Variants in CAMK1D observed in about 807,000 individuals in gnomAD.
CAMK1D encodes the protein calcium/calmodulin dependent protein kinase ID.
Under a neutral mutation model 47.7 loss-of-function variants are expected in CAMK1D, and 9 were observed. That is an observed-to-expected ratio of 0.19 (90% confidence interval 0.11 to 0.33). The LOEUF (loss-of-function observed/expected upper bound fraction) is 0.33, where lower values mean the gene tolerates loss of function less well. CAMK1D is among the 10% of genes least tolerant of loss of function. The pLI, the probability that CAMK1D is intolerant of heterozygous loss-of-function variation, is 1.00. For missense variants in CAMK1D, 291 were observed against 488.7 expected (o/e 0.60, Z 3.81); for synonymous variants, 184 against 184.9 (o/e 0.99, Z 0.04).
chr10:12,616,326 G>T (rs1838814785), intron 2 of CAMK1D, among the ~76,000 whole-genome samples: 1 of 152,132 alleles, frequency 6.6e-6, no homozygotes, highest in African/African-American at 2.4e-5. Flanking sequence ...GGGTTATCTT[G>T]GACAGTAATA....
At chr10:12,794,617 T>A (rs1411102738) in intron 6 of CAMK1D, among the ~76,000 whole-genome samples, 1 of 152,156 alleles carries the variant, frequency 6.6e-6, no homozygotes, top group African/African-American at 2.4e-5. Context: ...TTCTACTTGA[T>A]GGTTTCCTGG....
chr10:12,815,845 G>A (rs982608216), intron 7 of CAMK1D, among the ~76,000 whole-genome samples: 1 of 152,254 alleles, frequency 6.6e-6, no homozygotes, highest in Non-Finnish European at 1.5e-5. Flanking sequence ...CTGAGCAGGT[G>A]CTCAGTAGGT....
chr10:12,453,342 A>C (rs911625752), intron 1 of CAMK1D, among the ~76,000 whole-genome samples: 1 of 151,872 alleles, frequency 6.6e-6, no homozygotes, highest in Non-Finnish European at 1.5e-5. Flanking sequence ...GGCGCCTGCC[A>C]CCACGCCCGG....
intron 1 of CAMK1D, among the ~76,000 whole-genome samples, chr10:12,389,574 C>T (rs1295413262): frequency 6.6e-6 from 1 of 152,118 alleles, no homozygotes; most frequent in Non-Finnish European, 1.5e-5. Flanking sequence ...TTGCTTCCTT[C>T]CCTACTCACA....
chr10:12,461,611 C>T (rs12766688), intron 1 of CAMK1D, among the ~76,000 whole-genome samples: 19,389 of 150,408 alleles, frequency 0.13, 1,540 homozygotes, highest in Non-Finnish European at 0.19. Flanking sequence ...ATTGCTTGAA[C>T]CTGGGAGGTG....
chr10:12,389,012 C>T (rs1297311094), intron 1 of CAMK1D, among the ~76,000 whole-genome samples: 1 of 152,182 alleles, frequency 6.6e-6, no homozygotes, highest in African/African-American at 2.4e-5. Flanking sequence ...CTGATGGAGA[C>T]ACCACCATAC....
At chr10:12,368,052 C>T (rs1480367395) in intron 1 of CAMK1D, among the ~76,000 whole-genome samples, 1 of 151,978 alleles carries the variant, frequency 6.6e-6, no homozygotes, top group Non-Finnish European at 1.5e-5. Context: ...ATTAGCCGGG[C>T]GCGGTGGCGG....
intron 1 of CAMK1D, among the ~76,000 whole-genome samples, chr10:12,495,690 A>G (rs1267675596): frequency 6.6e-6 from 1 of 152,270 alleles, no homozygotes; most frequent in African/African-American, 2.4e-5. Flanking sequence ...TTACACTAAT[A>G]GAATCAGGAA....
chr10:12,795,525 G>A (rs1838161851), intron 6 of CAMK1D, among the ~76,000 whole-genome samples: 1 of 152,216 alleles, frequency 6.6e-6, no homozygotes, highest in South Asian at 2.1e-4. Context: ...CCCAGCCACT[G>A]TAATGGAAAA....
chr10:12,805,791 G>A (rs936377305), intron 6 of CAMK1D, among the ~76,000 whole-genome samples: 1 of 152,226 alleles, frequency 6.6e-6, no homozygotes, highest in African/African-American at 2.4e-5. Context: ...TTGAAACACA[G>A]GCATTTAATG....
intron 1 of CAMK1D, among the ~76,000 whole-genome samples, chr10:12,441,894 T>G (rs978472764): frequency 7.9e-5 from 12 of 152,170 alleles, no homozygotes; most frequent in Non-Finnish European, 1.5e-4. Context: ...AGATGACAAC[T>G]AAAATCCCCA....
At chr10:12,427,409 C>T (rs752255317) in intron 1 of CAMK1D, among the ~76,000 whole-genome samples, 15 of 152,122 alleles carry the variant, frequency 9.9e-5, no homozygotes, top group African/African-American at 2.7e-4. Flanking sequence ...AAGAATCCGC[C>T]GATCTCTCTC....
chr10:12,672,596 C>A (rs150969467), intron 3 of CAMK1D, among the ~76,000 whole-genome samples: 1,990 of 152,052 alleles, frequency 0.013, 40 homozygotes, highest in South Asian at 0.11. Context: ...GTCCTGAACT[C>A]CTGACCTCAA....
At chr10:12,492,887 G>A (rs1834428476) in intron 1 of CAMK1D, among the ~76,000 whole-genome samples, 2 of 152,106 alleles carry the variant, frequency 1.3e-5, no homozygotes, top group African/African-American at 4.8e-5. Context: ...TACTTTCTTG[G>A]TATAGGATTG....
chr10:12,588,889 C>CAT (rs1554793286), intron 2 of CAMK1D, among the ~76,000 whole-genome samples: 2 of 147,240 alleles, frequency 1.4e-5, no homozygotes, highest in African/African-American at 5.3e-5. Flanking sequence ...TGTGTGCGTG[C>CAT]GTGTGTGTGT....
intron 5 of CAMK1D, among the ~76,000 whole-genome samples, chr10:12,788,564 G>A (rs982046502): frequency 3.3e-5 from 5 of 152,230 alleles, no homozygotes; most frequent in Non-Finnish European, 5.9e-5. Flanking sequence ...ATCAGGCCAC[G>A]AGGCTGGCCC....
At chr10:12,673,271 T>C (rs551705960) in intron 3 of CAMK1D, among the ~76,000 whole-genome samples, 1 of 152,268 alleles carries the variant, frequency 6.6e-6, no homozygotes, top group South Asian at 2.1e-4. Flanking sequence ...TTAAAACATG[T>C]AGCCTTTTGA....
At chr10:12,573,480 G>A (rs2132320526) in intron 2 of CAMK1D, among the ~76,000 whole-genome samples, 2 of 152,240 alleles carry the variant, frequency 1.3e-5, no homozygotes, top group South Asian at 4.1e-4. Flanking sequence ...TATTTCAGGT[G>A]GACCAAATGG....
At chr10:12,666,661 T>A in intron 2 of CAMK1D, 75 bp from the exon 3 acceptor site, 1 of 1,186,340 alleles carries the variant, frequency 8.4e-7, no homozygotes, top group Non-Finnish European at 1.2e-6. Flanking sequence ...AACTTTTTGC[T>A]ACAATGCTGT....
Sources: gnomAD v4.1 joint callset for allele counts (sites outside exome capture counted in the v4.1 genomes callset) on GRCh38, gnomAD v4.1.1 for gene constraint, MANE v1.5 for transcripts, NCBI Gene and HGNC (gene_info 2026-07-23, HGNC 2026-07-21) for gene names.